ARMH3: variants seen among roughly 807,000 people sequenced by gnomAD.
ARMH3 encodes the protein armadillo-like helical domain-containing protein 3.
A neutral mutation model predicts 99.1 loss-of-function variants in ARMH3; 60 were observed. The ratio of observed to expected loss-of-function variants is 0.61; its 90% CI spans 0.49 to 0.75. The LOEUF (loss-of-function observed/expected upper bound fraction) is 0.75. ARMH3 is among the 30% of genes least tolerant of loss of function. ARMH3 has a pLI of 0.00. For missense variants in ARMH3, 679 were observed against 843.1 expected (o/e 0.81, Z 2.41); for synonymous variants, 285 against 292.8 (o/e 0.97, Z 0.27).
intron 23 of ARMH3, among the ~76,000 whole-genome samples, chr10:101,904,039 T>G (rs1466237930): frequency 1.3e-5 from 2 of 152,186 alleles, no homozygotes; most frequent in African/African-American, 4.8e-5. Flanking sequence ...CGGCTGTCAG[T>G]CTCCAGCTGG....
Position 101,946,244 on chromosome 10 carries a change from AG to A in ARMH3, c.1706-6307del, listed in dbSNP as rs1462845822. ...TTAAAATTATCATGGACTTTAAAGC[AG>A]TTATCATAACTATGCTCCATGAGGA... On this transcript the variant is annotated intron_variant, in intron 22 of 25. Coordinates refer to ENST00000370033, the MANE Select transcript of ARMH3 (RefSeq NM_024541.3). Among the ~76,000 whole-genome samples, 8 of 152,168 alleles carry A rather than the reference AG, an allele frequency of 5.3e-5. No homozygotes were observed. In the East Asian group the frequency reaches 1.3e-3, roughly 26 times the overall value.
At chr10:101,880,417 A>AT (rs1400725893) in intron 24 of ARMH3, among the ~76,000 whole-genome samples, 4 of 152,088 alleles carry the variant, frequency 2.6e-5, no homozygotes, top group Non-Finnish European at 5.9e-5. Flanking sequence ...AGTGGGTCAC[A>AT]TTCACCTCCT....
intron 2 of ARMH3, among the ~76,000 whole-genome samples, chr10:102,038,780 C>T (rs971931690): frequency 1.4e-4 from 21 of 151,436 alleles, no homozygotes. Context: ...CTCACTCTTG[C>T]CCAAGCTAGA....
At chr10:101,861,492 G>A (rs2066867200) in intron 24 of ARMH3, among the ~76,000 whole-genome samples, 1 of 152,192 alleles carries the variant, frequency 6.6e-6, no homozygotes, top group African/African-American at 2.4e-5. Flanking sequence ...CAGCACTCTG[G>A]GAGGCTGAGG....
At chr10:102,020,965 T>C (rs1026726152) in intron 8 of ARMH3, among the ~76,000 whole-genome samples, 9 of 152,052 alleles carry the variant, frequency 5.9e-5, no homozygotes, top group Admixed American at 2.6e-4. Flanking sequence ...GCTCCATTCA[T>C]AGTAAGTGCC....
intron 24 of ARMH3, among the ~76,000 whole-genome samples, chr10:101,858,066 A>C (rs1030118636): frequency 6.6e-6 from 1 of 152,262 alleles, no homozygotes; most frequent in South Asian, 2.1e-4. Flanking sequence ...GATTCTGATA[A>C]GGGAGAAGCA....
At chr10:101,971,486 G>A (rs1199004147) in intron 20 of ARMH3, among the ~76,000 whole-genome samples, 2 of 151,994 alleles carry the variant, frequency 1.3e-5, no homozygotes, top group South Asian at 2.1e-4. Context: ...GAGGTGGGAG[G>A]ATTGTTTGAA....
rs892329311 is a variant in ARMH3 at position 102,005,331 on chromosome 10, C to A, written c.1048+1209G>T. On this transcript the variant is annotated intron_variant, in intron 14 of 25. Transcript: ENST00000370033. ...CTGGGAGGCAGAGGTTGCAGTGAGC[C>A]GAGATCACACTACCACACTCTAGCC... Among the ~76,000 whole-genome samples, 7 of 145,456 alleles carry A rather than the reference C, an allele frequency of 4.8e-5. No individual in the cohort carries two copies. The East Asian group carries it at 8.0e-4, about 17-fold the overall frequency.
At chr10:102,053,929 G>A (rs1307193278) in intron 1 of ARMH3, among the ~76,000 whole-genome samples, 1 of 152,128 alleles carries the variant, frequency 6.6e-6, no homozygotes, top group Non-Finnish European at 1.5e-5. Context: ...AAGTTACATA[G>A]TAAGTGCTCA....
chr10:102,035,383 T>C (rs2067229578), intron 2 of ARMH3, among the ~76,000 whole-genome samples: 1 of 151,312 alleles, frequency 6.6e-6, no homozygotes, highest in African/African-American at 2.4e-5. Flanking sequence ...AAACAAGCTC[T>C]CCCTTCTCCC....
intron 8 of ARMH3, among the ~76,000 whole-genome samples, chr10:102,019,255 G>A (rs1199536065): frequency 6.6e-6 from 1 of 151,946 alleles, no homozygotes; most frequent in East Asian, 1.9e-4. Context: ...TGCCATGTTG[G>A]CCAGGCTGGT....
At chr10:101,854,789 T>G (rs2066692576) in intron 24 of ARMH3, among the ~76,000 whole-genome samples, 1 of 152,052 alleles carries the variant, frequency 6.6e-6, no homozygotes, top group Admixed American at 6.5e-5. Flanking sequence ...GAGCCTCAGT[T>G]TTCAGTATCT....
intron 1 of ARMH3, among the ~76,000 whole-genome samples, chr10:102,041,896 C>T (rs1475090346): frequency 6.6e-6 from 1 of 152,182 alleles, no homozygotes; most frequent in Non-Finnish European, 1.5e-5. Flanking sequence ...GATCCGCCTG[C>T]CTCGGCCTCC....
chr10:102,042,862 T>G (rs893313777), intron 1 of ARMH3, among the ~76,000 whole-genome samples: 5 of 152,124 alleles, frequency 3.3e-5, no homozygotes, highest in African/African-American at 1.2e-4. Context: ...CACCTGAGGT[T>G]GGGAGTTCGA....
At chr10:102,049,119 G>T (rs1294555099) in intron 1 of ARMH3, among the ~76,000 whole-genome samples, 2 of 152,148 alleles carry the variant, frequency 1.3e-5, no homozygotes, top group Non-Finnish European at 2.9e-5. Flanking sequence ...CCTTAGCACA[G>T]CTTCTTTCAG....
intron 22 of ARMH3, among the ~76,000 whole-genome samples, chr10:101,947,727 G>A (rs892749266): frequency 2.6e-5 from 4 of 151,964 alleles, no homozygotes; most frequent in Non-Finnish European, 5.9e-5. Context: ...TTGAACCGGG[G>A]AGGCAGAGGT....
intron 23 of ARMH3, among the ~76,000 whole-genome samples, chr10:101,937,493 T>C (rs569599679): frequency 2.1e-4 from 31 of 146,644 alleles, no homozygotes; most frequent in Admixed American, 4.1e-4. Context: ...CACTCCAGCC[T>C]GGGCGACAGA....
At position 101,995,325 on chromosome 10, in the gene ARMH3, C is replaced by CA; in HGVS notation, c.1180dup (p.Cys394LeufsTer20). ...TGCAATACATGTAAGGATAATCAGA[C>CA]AGAGTTTGCCACTGTGAAGCCTGTG... On this transcript the variant is annotated frameshift_variant, in exon 16 of 26. Coordinates refer to ENST00000370033, the MANE Select transcript of ARMH3 (RefSeq NM_024541.3). LOFTEE classifies it high-confidence loss of function. 6.2e-7 allele frequency: 1 copy of CA among 1,613,948 alleles called. No individual in the cohort carries two copies. Among genetic ancestry groups the CA allele is most frequent in the Non-Finnish European group, 8.5e-7 (1 of 1,179,890 alleles).
chr10:102,031,975 T>TGATCCTCCC (rs970038777), intron 4 of ARMH3, among the ~76,000 whole-genome samples: 4 of 152,170 alleles, frequency 2.6e-5, no homozygotes, highest in African/African-American at 9.7e-5. Context: ...CCTGATCTCG[T>TGATCCTCCC]GATCCTCCCG....
Sources: allele counts gnomAD v4.1 joint callset (sites outside exome capture counted in the v4.1 genomes callset), GRCh38; gene constraint gnomAD v4.1.1; transcripts MANE v1.5; gene names NCBI Gene and HGNC (gene_info 2026-07-23, HGNC 2026-07-21).